NALF1: variants seen among roughly 807,000 people sequenced by gnomAD.
NALF1 encodes the protein family with sequence similarity 155 member A.
In NALF1, 3 loss-of-function variants were observed where a neutral mutation model predicts 48.4. That is an observed-to-expected ratio of 0.06 (90% CI 0.03 to 0.16). The LOEUF (loss-of-function observed/expected upper bound fraction) is 0.16. NALF1 is among the 10% of genes least tolerant of loss of function. The pLI, the probability that NALF1 is intolerant of heterozygous loss-of-function variation, is 1.00. For synonymous variants in NALF1, 262 were observed against 245.7 expected (o/e 1.07, Z -0.62); for missense variants, 526 against 571.5 (o/e 0.92, Z 0.81).
intron 1 of NALF1, among the ~76,000 whole-genome samples, chr13:107,508,596 A>T (rs1875775835): frequency 6.6e-6 from 1 of 152,114 alleles, no homozygotes; most frequent in Non-Finnish European, 1.5e-5. Flanking sequence ...ACACATTGAC[A>T]ATAAAATGCA....
intron 1 of NALF1, among the ~76,000 whole-genome samples, chr13:107,599,486 C>G (rs1461522410): frequency 6.6e-6 from 1 of 151,506 alleles, no homozygotes; most frequent in East Asian, 1.9e-4. Context: ...TTGAAAAATA[C>G]AGCCAAATTG....
intron 1 of NALF1, among the ~76,000 whole-genome samples, chr13:107,615,400 C>A (rs1238876822): frequency 6.6e-6 from 1 of 152,140 alleles, no homozygotes; most frequent in Non-Finnish European, 1.5e-5. Context: ...ATTATTTTCC[C>A]CATGACTATC....
At chr13:107,419,618 A>G (rs1367537167) in intron 1 of NALF1, among the ~76,000 whole-genome samples, 1 of 152,190 alleles carries the variant, frequency 6.6e-6, no homozygotes, top group African/African-American at 2.4e-5. Context: ...CCCCTCTGTA[A>G]AAACTACGAT....
At chr13:107,514,642 T>G (rs1254278814) in intron 1 of NALF1, among the ~76,000 whole-genome samples, 2 of 152,200 alleles carry the variant, frequency 1.3e-5, no homozygotes, top group Non-Finnish European at 2.9e-5. Context: ...GAGTTACACC[T>G]TTCACATGGA....
At chr13:107,363,289 T>G (rs1462987281) in intron 1 of NALF1, among the ~76,000 whole-genome samples, 1 of 152,210 alleles carries the variant, frequency 6.6e-6, no homozygotes, top group Non-Finnish European at 1.5e-5. Context: ...TTATCTGATT[T>G]GTTCATAATA....
At chr13:107,710,438 A>G (rs1488635487) in intron 1 of NALF1, among the ~76,000 whole-genome samples, 2 of 152,156 alleles carry the variant, frequency 1.3e-5, no homozygotes, top group Non-Finnish European at 2.9e-5. Context: ...ACACTGCTAT[A>G]AAGAACTACC....
intron 1 of NALF1, among the ~76,000 whole-genome samples, chr13:107,471,115 A>C (rs1193398899): frequency 2.0e-5 from 3 of 152,292 alleles, no homozygotes; most frequent in East Asian, 3.9e-4. Flanking sequence ...CCTACTGGAG[A>C]GGCTGAAAGA....
intron 1 of NALF1, among the ~76,000 whole-genome samples, chr13:107,602,340 T>C (rs1024653125): frequency 2.6e-5 from 4 of 152,116 alleles, no homozygotes; most frequent in African/African-American, 9.7e-5. Context: ...AGAGAAAACA[T>C]TGCCTGTTAT....
chr13:107,797,073 A>ACTTT (rs1180398292), intron 1 of NALF1, among the ~76,000 whole-genome samples: 1 of 152,040 alleles, frequency 6.6e-6, no homozygotes, highest in Non-Finnish European at 1.5e-5. Flanking sequence ...GGCCACCAAA[A>ACTTT]AGCTTTCTGA....
At chr13:107,259,737 A>C (rs1376999094) in intron 1 of NALF1, among the ~76,000 whole-genome samples, 1 of 152,228 alleles carries the variant, frequency 6.6e-6, no homozygotes, top group Non-Finnish European at 1.5e-5. Flanking sequence ...TCTGAACTTA[A>C]TAACCAACTG....
At chr13:107,570,513 C>A (rs1877953433) in intron 1 of NALF1, among the ~76,000 whole-genome samples, 1 of 151,340 alleles carries the variant, frequency 6.6e-6, no homozygotes, top group Non-Finnish European at 1.5e-5. Flanking sequence ...TTGAACCAGC[C>A]TAGTATTCCT....
At chr13:107,432,954 C>T (rs1332221100) in intron 1 of NALF1, among the ~76,000 whole-genome samples, 4 of 152,164 alleles carry the variant, frequency 2.6e-5, no homozygotes, top group South Asian at 2.1e-4. Flanking sequence ...ACTCCCTCCA[C>T]AGCAGCCCAG....
chr13:107,538,972 C>T (rs1051117063), intron 1 of NALF1, among the ~76,000 whole-genome samples: 1 of 149,772 alleles, frequency 6.7e-6, no homozygotes, highest in African/African-American at 2.5e-5. Flanking sequence ...TCCATTCATT[C>T]ATTTTGCTCT....
chr13:107,320,031 A>G (rs1882223565), intron 1 of NALF1, among the ~76,000 whole-genome samples: 1 of 152,180 alleles, frequency 6.6e-6, no homozygotes, highest in East Asian at 1.9e-4. Context: ...GGCACCAGTT[A>G]TAAACTTCAA....
intron 1 of NALF1, among the ~76,000 whole-genome samples, chr13:107,343,370 C>A (rs1355676401): frequency 6.6e-6 from 1 of 152,092 alleles, no homozygotes; most frequent in Non-Finnish European, 1.5e-5. Flanking sequence ...TGGGAGGGAC[C>A]CAGTGGGAGG....
chr13:107,736,863 T>C (rs1360482577), intron 1 of NALF1, among the ~76,000 whole-genome samples: 1 of 152,220 alleles, frequency 6.6e-6, no homozygotes, highest in Non-Finnish European at 1.5e-5. Flanking sequence ...CATTTGAAGC[T>C]AAAACAAAAT....
intron 1 of NALF1, among the ~76,000 whole-genome samples, chr13:107,352,385 TC>T (rs1882893506): frequency 6.6e-6 from 1 of 152,202 alleles, no homozygotes; most frequent in African/African-American, 2.4e-5. Context: ...TTGTTATTTC[TC>T]AACAGTGTCG....
chr13:107,744,358 T>A (rs1489258478), intron 1 of NALF1, among the ~76,000 whole-genome samples: 1 of 152,170 alleles, frequency 6.6e-6, no homozygotes, highest in Non-Finnish European at 1.5e-5. Context: ...TCGATGGTGG[T>A]TACTGTCATT....
chr13:107,260,039 G>T (rs1880899615), intron 1 of NALF1, among the ~76,000 whole-genome samples: 1 of 152,156 alleles, frequency 6.6e-6, no homozygotes, highest in South Asian at 2.1e-4. Flanking sequence ...TCTGAAACAT[G>T]GAAGAGACAT....
Sources: gnomAD v4.1 joint callset for allele counts (sites outside exome capture counted in the v4.1 genomes callset) on GRCh38, gnomAD v4.1.1 for gene constraint, MANE v1.5 for transcripts, NCBI Gene and HGNC (gene_info 2026-07-23, HGNC 2026-07-21) for gene names.